The following TNKS2 variants were observed in gnomAD, a reference collection of about 807,000 sequenced individuals.
The protein encoded by TNKS2 is poly [ADP-ribose] polymerase tankyrase-2.
Under a neutral mutation model 137.6 loss-of-function variants are expected in TNKS2, and 72 were observed. The observed-to-expected ratio is 0.52, with a 90% CI of 0.43 to 0.64. The LOEUF is 0.64. Among genes scored for constraint, TNKS2 ranks in the 30% least tolerant of loss-of-function variants. TNKS2 has a pLI of 0.00. For synonymous variants in TNKS2, 516 were observed against 512.1 expected, an observed-to-expected ratio of 1.01 and a Z score of -0.10; for missense variants, 1,049 against 1,410.2, an observed-to-expected ratio of 0.74 and a Z score of 4.10.
At chr10:91,829,535 G>A (rs1239558272) in intron 9 of TNKS2, among the ~76,000 whole-genome samples, 1 of 152,140 alleles carries the variant, frequency 6.6e-6, no homozygotes, top group African/African-American at 2.4e-5. Context: ...CCAAGATGGT[G>A]CAGAGGAGTA....
At chr10:91,850,292 C>T (rs529236368) in intron 20 of TNKS2, among the ~76,000 whole-genome samples, 55 of 148,928 alleles carry the variant, frequency 3.7e-4, no homozygotes, top group African/African-American at 1.3e-3. Flanking sequence ...TGCTTGAACC[C>T]GGGAAGCAGA....
Position 91,807,306 on chromosome 10 carries a change from T to C in TNKS2, c.200-5677T>C, listed in dbSNP as rs1051934805. Reference sequence around the variant, plus strand: ...TGTTTTATACACCAAACAAACTAAATCATCTGTTACTTTAACACACAAGTT... The same window carrying C: ...TGTTTTATACACCAAACAAACTAAACCATCTGTTACTTTAACACACAAGTT... On this transcript the variant is annotated intron_variant, in intron 1 of 26. Transcript: ENST00000371627. 3.3e-5 allele frequency: 53 copies of C among 1,613,876 alleles called. No individual in the cohort carries two copies. The South Asian group carries it at 4.8e-4, about 15-fold the overall frequency.
chr10:91,805,842 C>T (rs893361207), intron 1 of TNKS2, among the ~76,000 whole-genome samples: 2 of 152,050 alleles, frequency 1.3e-5, no homozygotes, highest in African/African-American at 2.4e-5. Flanking sequence ...AAAGCACTTC[C>T]TGCAGGTGGG....
rs535586184 is a variant in TNKS2 at position 91,848,256 on chromosome 10, A to G, written c.2359-127A>G. On this transcript the variant is annotated intron_variant, in intron 18 of 26. Coordinates refer to ENST00000371627, the MANE Select transcript of TNKS2 (RefSeq NM_025235.4). Reference sequence around the variant, plus strand: ...GTTTGCTTCACTTTTTAAAATGAATAATCCTCCATTGTGATAGTACTGGCA... The same window carrying G: ...GTTTGCTTCACTTTTTAAAATGAATGATCCTCCATTGTGATAGTACTGGCA... 788 of 1,037,874 alleles carry G rather than the reference A, an allele frequency of 7.6e-4. 2 individuals are homozygous for G. Among genetic ancestry groups the G allele is most frequent in the Middle Eastern group, 1.6e-3 (5 of 3,168 alleles). 64.3% of individuals were successfully genotyped at this position (1,037,874 alleles called of 1,614,324 possible). A position where few individuals can be genotyped will look rare whatever the true frequency, so the allele number is the denominator to read the frequency against.
At chr10:91,803,793 T>C (rs545462933) in intron 1 of TNKS2, among the ~76,000 whole-genome samples, 1 of 152,234 alleles carries the variant, frequency 6.6e-6, no homozygotes, top group South Asian at 2.1e-4. Flanking sequence ...TTGACATTTT[T>C]CCAGAACTTT....
At chr10:91,836,824 AAG>A in intron 12 of TNKS2, 93 bp from the exon 13 acceptor site, 1 of 1,480,410 alleles carries the variant, frequency 6.8e-7, no homozygotes, top group Non-Finnish European at 9.0e-7. Context: ...CAAATTGTAA[AAG>A]AACTTTGCTT....
chr10:91,819,589 T>C (rs1299064936), intron 5 of TNKS2, 32 bp downstream of exon 5: 13 of 1,487,312 alleles, frequency 8.7e-6, no homozygotes, highest in Non-Finnish European at 1.2e-5. Context: ...TTTGTGCTTA[T>C]CTCCTGGTAA....
intron 6 of TNKS2, among the ~76,000 whole-genome samples, chr10:91,821,144 T>C (rs1290540292): frequency 3.3e-5 from 5 of 152,162 alleles, no homozygotes; most frequent in Non-Finnish European, 7.4e-5. Context: ...TTCAAGTGAT[T>C]CTCCTGCCTC....
chr10:91,805,206 A>G (rs1844287270), intron 1 of TNKS2, among the ~76,000 whole-genome samples: 1 of 151,882 alleles, frequency 6.6e-6, no homozygotes, highest in Non-Finnish European at 1.5e-5. Flanking sequence ...ATCTCAGACT[A>G]TTAATCTACT....
intron 9 of TNKS2, 37 bp downstream of exon 9, chr10:91,828,443 CGAA>C: frequency 3.9e-6 from 6 of 1,521,714 alleles, no homozygotes; most frequent in Non-Finnish European, 5.3e-6. Flanking sequence ...AATACAATAA[CGAA>C]GAACGTGCTA....
rs752238669 is a variant in TNKS2 at position 91,817,172 on chromosome 10, A to G, written c.463A>G (p.Thr155Ala). Reference protein sequence around the residue: ...QHGAEPTIRNTDGRTALDLAD... With the variant: ...QHGAEPTIRNADGRTALDLAD... ...TGGAGCTGAGCCAACCATCCGAAATACAGATGGAAGGACAGCATTGGATTT... is the reference window on the plus strand; with the variant it reads ...TGGAGCTGAGCCAACCATCCGAAATGCAGATGGAAGGACAGCATTGGATTT... The change falls in exon 3 of 27, where the codon ACA (threonine) becomes GCA (alanine). Residue 155 changes from threonine to alanine, a missense_variant. Physicochemically the swap from Thr to Ala is moderately conservative, Grantham distance 58. Around this residue, in one of 6 missense-constraint regions of TNKS2, gnomAD observed 374 missense variants for 460.8 expected, o/e 0.81. Coordinates refer to ENST00000371627, the MANE Select transcript of TNKS2 (RefSeq NM_025235.4). 15 of 1,613,704 alleles carry G rather than the reference A, an allele frequency of 9.3e-6. No homozygotes were observed. The highest frequency in any genetic ancestry group is 1.2e-5 in the Non-Finnish European group (14 of 1,179,878).
chr10:91,858,350 ATATT>A (rs1842766182), intron 24 of TNKS2, among the ~76,000 whole-genome samples: 1 of 152,292 alleles, frequency 6.6e-6, no homozygotes. Flanking sequence ...GACACAGAGC[ATATT>A]TATTTATCTG....
In TNKS2 at chr10:91,836,901, T is replaced by C. The variant is rs1252054945; in HGVS notation, c.1448-18T>C. ...CAAATAGAGGTTAGTCACTCTTCTC[T>C]CTCTCTCTCTTTTTTAGAGGGTATC... On this transcript the variant is annotated intron_variant, in intron 12 of 26. Coordinates refer to ENST00000371627, the MANE Select transcript of TNKS2 (RefSeq NM_025235.4). 6.2e-7 allele frequency: 1 copy of C among 1,607,346 alleles called. No individual in the cohort carries two copies. The highest frequency in any genetic ancestry group is 1.3e-5 in the African/African-American group (1 of 74,782).
intron 1 of TNKS2, among the ~76,000 whole-genome samples, chr10:91,810,271 A>G (rs1844454219): frequency 1.3e-5 from 2 of 151,922 alleles, no homozygotes; most frequent in East Asian, 2.0e-4. Flanking sequence ...CCAGCTACTC[A>G]GGAAGCTAAG....
At chr10:91,851,378 G>A (rs1276777789) in intron 21 of TNKS2, 42 bp downstream of exon 21, 8 of 1,596,024 alleles carry the variant, frequency 5.0e-6, no homozygotes, top group Non-Finnish European at 6.8e-6. Flanking sequence ...TTAACAGTTT[G>A]CATAAAGGCA....
chr10:91,861,682 CCTT>C (rs1564632769), intron 25 of TNKS2, among the ~76,000 whole-genome samples: 1 of 152,134 alleles, frequency 6.6e-6, no homozygotes, highest in African/African-American at 2.4e-5. Flanking sequence ...GTCCACTAAA[CCTT>C]CTCCTTCCCA....
At position 91,863,300 on chromosome 10, in the gene TNKS2, A is replaced by G. The variant is rs576128604; in HGVS notation, c.*301A>G. 3.0e-5 allele frequency: 7 copies of G among 236,256 alleles called. No homozygotes were observed. In the South Asian group the frequency reaches 3.0e-4, roughly 10 times the overall value. The allele number at this position is 236,256 out of a possible 1,614,324, so 14.6% of individuals were successfully genotyped here. A position where few individuals can be genotyped will look rare whatever the true frequency, so the allele number is the denominator to read the frequency against. Reference sequence around the variant, plus strand: ...CTTTTATATGTTATGCATTGATTCTAACAAACTGTAATGCCCTCAACAGAA... The same window carrying G: ...CTTTTATATGTTATGCATTGATTCTGACAAACTGTAATGCCCTCAACAGAA... On this transcript the variant is annotated 3_prime_UTR_variant, in exon 27 of 27. Coordinates refer to ENST00000371627, the MANE Select transcript of TNKS2 (RefSeq NM_025235.4).
At chr10:91,799,606 C>A (rs72823128) in intron 1 of TNKS2, among the ~76,000 whole-genome samples, 1 of 152,168 alleles carries the variant, frequency 6.6e-6, no homozygotes, top group Non-Finnish European at 1.5e-5. Flanking sequence ...TTGCTTCATT[C>A]TGAAATTTAG....
intron 1 of TNKS2, among the ~76,000 whole-genome samples, chr10:91,807,777 G>A (rs369877008): frequency 3.3e-5 from 5 of 152,078 alleles, no homozygotes; most frequent in Admixed American, 1.3e-4. Context: ...AGCGGCTCAC[G>A]AGGTCAGGAG....
Sources: allele counts gnomAD v4.1 joint callset (sites outside exome capture counted in the v4.1 genomes callset), GRCh38; gene constraint gnomAD v4.1.1; regional missense constraint gnomAD v4.1.1; transcripts MANE v1.5; gene names NCBI Gene and HGNC (gene_info 2026-07-23, HGNC 2026-07-21).